MSR1: variants seen among roughly 807,000 people sequenced by gnomAD.
MSR1 encodes the protein macrophage scavenger receptor 1.
MSR1 carries 53 observed loss-of-function variants against 47.2 expected under a neutral mutation model. The observed-to-expected ratio is 1.12, with a 90% CI of 0.90 to 1.41. The LOEUF (loss-of-function observed/expected upper bound fraction) is 1.41, where lower values mean the gene tolerates loss of function less well. MSR1 is among the 40% of genes most tolerant of loss of function. MSR1 has a pLI of 0.00. For synonymous variants in MSR1, 239 were observed against 185.6 expected, an observed-to-expected ratio of 1.29 and a Z score of -2.34; for missense variants, 786 against 546.9, an observed-to-expected ratio of 1.44 and a Z score of -4.36.
intron 8 of MSR1, among the ~76,000 whole-genome samples, chr8:16,128,282 G>A (rs1403846633): frequency 5.9e-5 from 9 of 152,054 alleles, no homozygotes; most frequent in African/African-American, 1.4e-4. Flanking sequence ...GTATGCTGAA[G>A]TCCCCAATGT....
intron 6 of MSR1, among the ~76,000 whole-genome samples, chr8:16,152,905 T>C (rs1207767118): frequency 2.0e-5 from 3 of 152,172 alleles, no homozygotes; most frequent in Non-Finnish European, 2.9e-5. Context: ...GCTCAGCACA[T>C]AGTTTTTGAG....
chr8:16,156,984 G>T (rs187835593), intron 5 of MSR1, among the ~76,000 whole-genome samples: 1 of 151,942 alleles, frequency 6.6e-6, no homozygotes, highest in Non-Finnish European at 1.5e-5. Context: ...AATCCCAGGG[G>T]AGGGGGGCAA....
At chr8:16,146,969 T>C (rs921113618) in intron 7 of MSR1, among the ~76,000 whole-genome samples, 8 of 152,252 alleles carry the variant, frequency 5.3e-5, no homozygotes, top group East Asian at 3.9e-4. Flanking sequence ...GAACTACATA[T>C]GGTGTAATAT....
At chr8:16,120,870 C>G (rs1435217738) in intron 8 of MSR1, 1 of 479,378 alleles carries the variant, frequency 2.1e-6, no homozygotes, top group African/African-American at 1.9e-5. Flanking sequence ...GGACACGTCA[C>G]AGATTATATT....
chr8:16,162,798 G>A (rs1372433544), intron 5 of MSR1, among the ~76,000 whole-genome samples: 1 of 151,796 alleles, frequency 6.6e-6, no homozygotes, highest in Non-Finnish European at 1.5e-5. Context: ...TACATGTTCT[G>A]GACCAAGAAG....
At chr8:16,140,055 C>T in intron 8 of MSR1, 2 of 897,360 alleles carry the variant, frequency 2.2e-6, no homozygotes, top group African/African-American at 3.8e-5. Flanking sequence ...TTATGTCCAG[C>T]TCATGGAGGT....
At chr8:16,141,206 G>T in intron 8 of MSR1, 1 of 733,084 alleles carries the variant, frequency 1.4e-6, no homozygotes, top group Non-Finnish European at 2.2e-6. Flanking sequence ...GAATAAATTG[G>T]TACAAGCTTT....
At chr8:16,160,761 A>G (rs1801138047) in intron 5 of MSR1, among the ~76,000 whole-genome samples, 1 of 151,982 alleles carries the variant, frequency 6.6e-6, no homozygotes, top group African/African-American at 2.4e-5. Context: ...ACAGCATGAA[A>G]TGAAACAAGC....
At chr8:16,170,394 T>G (rs527869887) in intron 3 of MSR1, among the ~76,000 whole-genome samples, 1 of 151,640 alleles carries the variant, frequency 6.6e-6, no homozygotes, top group East Asian at 1.9e-4. Flanking sequence ...ATGAGGAAAA[T>G]GTTAAACACA....
intron 2 of MSR1, among the ~76,000 whole-genome samples, chr8:16,176,560 G>A (rs1028007882): frequency 4.0e-5 from 6 of 151,646 alleles, no homozygotes; most frequent in African/African-American, 1.5e-4. Context: ...AGAAAAGATG[G>A]AAGGAAAAAA....
At chr8:16,166,655 T>A (rs1039333777) in intron 4 of MSR1, among the ~76,000 whole-genome samples, 1 of 152,216 alleles carries the variant, frequency 6.6e-6, no homozygotes, top group Non-Finnish European at 1.5e-5. Context: ...AATTTTGTAG[T>A]CGTACAGTCC....
At chr8:16,115,396 G>A (rs1799855087) in intron 9 of MSR1, among the ~76,000 whole-genome samples, 1 of 152,026 alleles carries the variant, frequency 6.6e-6, no homozygotes, top group Non-Finnish European at 1.5e-5. Context: ...GAGTGAAACT[G>A]TGAATTTAAG....
chr8:16,152,045 T>A (rs1402268708), intron 6 of MSR1, among the ~76,000 whole-genome samples: 1 of 152,166 alleles, frequency 6.6e-6, no homozygotes, highest in African/African-American at 2.4e-5. Context: ...TGGCATGTAA[T>A]GACTACTTTG....
At chr8:16,143,925 G>A (rs1333291533) in intron 7 of MSR1, among the ~76,000 whole-genome samples, 1 of 151,932 alleles carries the variant, frequency 6.6e-6, no homozygotes, top group African/African-American at 2.4e-5. Context: ...CTTTGACTGG[G>A]TCTTACTCAC....
At chr8:16,139,374 A>T in intron 8 of MSR1, 1 of 936,282 alleles carries the variant, frequency 1.1e-6, no homozygotes, top group Non-Finnish European at 1.3e-6. Context: ...ACAATATCTT[A>T]CTTGATCCTC....
intron 3 of MSR1, among the ~76,000 whole-genome samples, chr8:16,169,356 T>C (rs1801416054): frequency 6.6e-6 from 1 of 152,176 alleles, no homozygotes; most frequent in African/African-American, 2.4e-5. Context: ...TATGGATAAA[T>C]TGTTGGTTTA....
chr8:16,168,216 T>C (rs1801372166), intron 4 of MSR1, among the ~76,000 whole-genome samples: 1 of 152,222 alleles, frequency 6.6e-6, no homozygotes, highest in Non-Finnish European at 1.5e-5. Flanking sequence ...ATTTATAAAA[T>C]ATGTAAAGGG....
chr8:16,141,276 A>T (rs1800550857), intron 8 of MSR1, among the ~76,000 whole-genome samples: 1 of 152,012 alleles, frequency 6.6e-6, no homozygotes, highest in Admixed American at 6.5e-5. Context: ...TGAACCATTG[A>T]TTCTACTTCT....
intron 3 of MSR1, among the ~76,000 whole-genome samples, chr8:16,173,839 CG>C: frequency 6.6e-6 from 1 of 152,156 alleles, no homozygotes; most frequent in African/African-American, 2.4e-5. Context: ...TTAGTAGAGA[CG>C]GGTTTTCACC....
Sources: allele counts gnomAD v4.1 joint callset (sites outside exome capture counted in the v4.1 genomes callset), GRCh38; gene constraint gnomAD v4.1.1; transcripts MANE v1.5; gene names NCBI Gene and HGNC (gene_info 2026-07-23, HGNC 2026-07-21).